The following NDST4 variants were observed in gnomAD, a reference collection of about 807,000 sequenced individuals.
NDST4 encodes N-deacetylase and N-sulfotransferase 4.
Under a neutral mutation model 100.8 loss-of-function variants are expected in NDST4, and 63 were observed. The observed-to-expected ratio is 0.62, with a 90% confidence interval of 0.51 to 0.77. The LOEUF is 0.77. Ranked by LOEUF, NDST4 falls within the 30% of genes least tolerant of loss-of-function variation. The pLI, the probability that NDST4 is intolerant of heterozygous loss-of-function variation, is 0.00. For synonymous variants in NDST4, 377 were observed against 361.8 expected (o/e 1.04, Z -0.48); for missense variants, 943 against 1,018.4 (o/e 0.93, Z 1.01).
At chr4:114,935,114 G>T in intron 6 of NDST4, 92 bp downstream of exon 6, 3 of 1,034,778 alleles carry the variant, frequency 2.9e-6, no homozygotes, top group Non-Finnish European at 3.9e-6. Context: ...TGTAAATAAA[G>T]AAAATAAATA....
chr4:115,027,874 A>G (rs1358215349), intron 2 of NDST4, among the ~76,000 whole-genome samples: 1 of 151,946 alleles, frequency 6.6e-6, no homozygotes, highest in Non-Finnish European at 1.5e-5. Flanking sequence ...ACCAACATGG[A>G]AAAACCCCAT....
chr4:115,025,880 A>G (rs1209128772), intron 2 of NDST4, among the ~76,000 whole-genome samples: 1 of 152,150 alleles, frequency 6.6e-6, no homozygotes, highest in Non-Finnish European at 1.5e-5. Flanking sequence ...AAAAATCTTT[A>G]TAGATGGAAT....
At position 114,921,853 on chromosome 4, in the gene NDST4, C is replaced by A. The variant is rs149684465; in HGVS notation, c.1536+13353G>T. On this transcript the variant is annotated intron_variant, in intron 6 of 13. Coordinates refer to ENST00000264363, the MANE Select transcript of NDST4 (RefSeq NM_022569.3). The stretch of plus-strand genomic sequence containing the variant: ...TTTCCCCCTTCATTTCCCCTTTTCC[C>A]TGCTCCCCTTGACTCACTCCCCTGC... Among the ~76,000 whole-genome samples the A allele has an allele frequency of 2.7e-3, 410 of 152,198 alleles. 4 individuals are homozygous for A. The highest frequency in any genetic ancestry group is 9.4e-3 in the African/African-American group (392 of 41,526).
At chr4:114,909,680 A>AAAAAAAG (rs1442868621) in intron 6 of NDST4, among the ~76,000 whole-genome samples, 3 of 150,978 alleles carry the variant, frequency 2.0e-5, no homozygotes, top group African/African-American at 7.3e-5. Flanking sequence ...AAAAAAAAAA[A>AAAAAAAG]AAAAAAAAAG....
Position 115,076,861 on chromosome 4 carries a change from G to A in NDST4, c.176C>T (p.Pro59Leu). The A allele has an allele frequency of 6.2e-7, 1 of 1,613,774 alleles. No individual in the cohort carries two copies. The highest frequency in any genetic ancestry group is 8.5e-7 in the Non-Finnish European group (1 of 1,179,872). The part of the protein sequence containing the change: ...EAECTDIKIL[P>L]YRSMELKTVK... ...TGTTTTCAGCTCCATTGACCTATAT[G>A]GTAGAATTTTGATGTCAGTGCATTC... The change falls in exon 2 of 14, where the codon CCA (proline) becomes CTA (leucine). Residue 59 changes from proline to leucine, a missense_variant. Pro to Leu is a moderately conservative substitution (Grantham distance 98, BLOSUM62 -3). Around this residue, in one of 2 missense-constraint regions of NDST4, gnomAD observed 417 missense variants for 384.2 expected, o/e 1.09. Coordinates refer to ENST00000264363, the MANE Select transcript of NDST4 (RefSeq NM_022569.3).
chr4:115,023,363 T>C (rs1389717222), intron 2 of NDST4, among the ~76,000 whole-genome samples: 1 of 151,408 alleles, frequency 6.6e-6, no homozygotes, highest in Non-Finnish European at 1.5e-5. Context: ...TGCATGCCTG[T>C]AATCCCAGCT....
intron 1 of NDST4, among the ~76,000 whole-genome samples, chr4:115,094,097 A>G (rs1729574220): frequency 6.6e-6 from 1 of 152,082 alleles, no homozygotes. Flanking sequence ...AGTAAACTAC[A>G]TCTGCTTCAG....
chr4:114,857,337 A>T (rs1363939070), intron 7 of NDST4, among the ~76,000 whole-genome samples: 1 of 152,182 alleles, frequency 6.6e-6, no homozygotes, highest in Non-Finnish European at 1.5e-5. Context: ...GAATAGTGAT[A>T]GACCCATCAA....
At position 115,010,202 on chromosome 4, in the gene NDST4, C is replaced by A. The variant is rs576774692; in HGVS notation, c.979-32928G>T. 1.4e-3 allele frequency among the ~76,000 whole-genome samples: 174 copies of A among 127,178 alleles called. 37 individuals carry two copies. Among genetic ancestry groups the A allele is most frequent in the Admixed American group, 2.2e-3 (28 of 12,464 alleles). The allele number at this position is 127,178 out of a possible 152,430, so 83.4% of individuals were successfully genotyped here. A position where few individuals can be genotyped will look rare whatever the true frequency, so the allele number is the denominator to read the frequency against. The stretch of plus-strand genomic sequence containing the variant: ...CATTACTGGGTATATACCCAACGGA[C>A]TATAAATCATGCTGCTATAAAGACA... On this transcript the variant is annotated intron_variant, in intron 2 of 13. Coordinates refer to ENST00000264363, the MANE Select transcript of NDST4 (RefSeq NM_022569.3).
chr4:115,035,894 G>A (rs1022115430), intron 2 of NDST4, among the ~76,000 whole-genome samples: 2 of 151,936 alleles, frequency 1.3e-5, no homozygotes, highest in Non-Finnish European at 2.9e-5. Context: ...TTATAGAATT[G>A]TATTTACAAT....
chr4:114,915,825 A>G (rs976270793), intron 6 of NDST4, among the ~76,000 whole-genome samples: 1 of 152,072 alleles, frequency 6.6e-6, no homozygotes, highest in Non-Finnish European at 1.5e-5. Context: ...AAGAAGAAGG[A>G]GGAGAAGGAG....
At chr4:115,049,578 A>G (rs1385721335) in intron 2 of NDST4, among the ~76,000 whole-genome samples, 1 of 152,176 alleles carries the variant, frequency 6.6e-6, no homozygotes, top group African/African-American at 2.4e-5. Context: ...TGTTTTCTCT[A>G]ATATATTTCA....
chr4:114,901,298 G>A (rs902868532), intron 6 of NDST4, among the ~76,000 whole-genome samples: 1 of 151,786 alleles, frequency 6.6e-6, no homozygotes, highest in Non-Finnish European at 1.5e-5. Flanking sequence ...AAGTTCTATC[G>A]TTTTTGCCTT....
chr4:114,996,105 C>T (rs1029114343), intron 2 of NDST4, among the ~76,000 whole-genome samples: 3 of 152,106 alleles, frequency 2.0e-5, no homozygotes, highest in African/African-American at 7.2e-5. Flanking sequence ...TGTATCCCCA[C>T]TCAAATCTCA....
chr4:114,960,415 G>T (rs2126235979), intron 4 of NDST4, among the ~76,000 whole-genome samples: 1 of 152,156 alleles, frequency 6.6e-6, no homozygotes, highest in South Asian at 2.1e-4. Flanking sequence ...AGACCAGCCT[G>T]GCCAACATGG....
chr4:115,110,211 A>G (rs1729916912), intron 1 of NDST4, among the ~76,000 whole-genome samples: 1 of 151,990 alleles, frequency 6.6e-6, no homozygotes, highest in African/African-American at 2.4e-5. Context: ...TGCATTGCAA[A>G]TAACACCTCT....
At chr4:115,057,079 G>GTA (rs1217749056) in intron 2 of NDST4, among the ~76,000 whole-genome samples, 2 of 152,024 alleles carry the variant, frequency 1.3e-5, no homozygotes, top group Non-Finnish European at 2.9e-5. Context: ...ATTTACATAT[G>GTA]TAAGTAATTC....
Position 114,870,748 on chromosome 4 carries a change from G to C in NDST4, c.1719+20C>G, listed in dbSNP as rs780592765. On this transcript the variant is annotated intron_variant, in intron 7 of 13. Coordinates refer to ENST00000264363, the MANE Select transcript of NDST4 (RefSeq NM_022569.3). ...GCTAGTTTCTTTCCTTCCACCCCAA[G>C]AGAGAATGTTAAATGTTACCTGCCA... The C allele has an allele frequency of 6.3e-6, 10 of 1,579,178 alleles. No homozygotes were observed. In the Admixed American group the frequency reaches 1.9e-4, roughly 29 times the overall value.
At chr4:115,074,067 A>G (rs1034496293) in intron 2 of NDST4, among the ~76,000 whole-genome samples, 3 of 151,982 alleles carry the variant, frequency 2.0e-5, no homozygotes, top group Non-Finnish European at 4.4e-5. Context: ...TACTCAATAT[A>G]TAGGATATAA....
Sources: allele counts gnomAD v4.1 joint callset (sites outside exome capture counted in the v4.1 genomes callset), GRCh38; gene constraint gnomAD v4.1.1; regional missense constraint gnomAD v4.1.1; transcripts MANE v1.5; gene names NCBI Gene and HGNC (gene_info 2026-07-23, HGNC 2026-07-21).